NCALD: variants seen among roughly 807,000 people sequenced by gnomAD.
NCALD encodes neurocalcin delta, also known as neurocalcin-delta.
In NCALD, 10 loss-of-function variants were observed where a neutral mutation model predicts 18.6. The ratio of observed to expected loss-of-function variants is 0.54; its 90% CI spans 0.33 to 0.91. The LOEUF is 0.91. NCALD is among the 40% of genes least tolerant of loss of function. The pLI, the probability that NCALD is intolerant of heterozygous loss-of-function variation, is 0.03. For synonymous variants in NCALD, 88 were observed against 87.4 expected (o/e 1.01, Z -0.04); for missense variants, 184 against 247.6 (o/e 0.74, Z 1.72).
At chr8:101,967,492 G>A (rs902274281) in intron 2 of NCALD, among the ~76,000 whole-genome samples, 4 of 152,162 alleles carry the variant, frequency 2.6e-5, no homozygotes, top group Admixed American at 6.5e-5. Context: ...TTCAATCCAA[G>A]TAGTCAGATG....
At chr8:101,796,733 A>G (rs747832178) in intron 4 of NCALD, among the ~76,000 whole-genome samples, 2 of 152,260 alleles carry the variant, frequency 1.3e-5, no homozygotes, top group Non-Finnish European at 2.9e-5. Context: ...AGGAGCATAA[A>G]GAATAAGCAA....
chr8:101,832,786 C>T (rs977388175), intron 4 of NCALD, among the ~76,000 whole-genome samples: 5 of 152,254 alleles, frequency 3.3e-5, no homozygotes, highest in East Asian at 1.9e-4. Flanking sequence ...GTGGAGTGGA[C>T]GACTGCCGTC....
chr8:102,052,254 T>C (rs1320086320), intron 1 of NCALD, among the ~76,000 whole-genome samples: 3 of 152,224 alleles, frequency 2.0e-5, no homozygotes, highest in African/African-American at 4.8e-5. Context: ...CAGATCAATT[T>C]TGATGACACA....
intron 4 of NCALD, among the ~76,000 whole-genome samples, chr8:101,842,525 G>T (rs1242104212): frequency 6.6e-6 from 1 of 152,206 alleles, no homozygotes; most frequent in Non-Finnish European, 1.5e-5. Flanking sequence ...GTCATTAAAA[G>T]CCAGTCTCTG....
At chr8:101,719,671 A>G in intron 1 of NCALD, 23 bp from the exon 2 acceptor site, 1 of 1,526,408 alleles carries the variant, frequency 6.6e-7, no homozygotes, top group Non-Finnish European at 8.7e-7. Flanking sequence ...AAGAAAACAT[A>G]TATAATTTGT....
In NCALD at chr8:101,731,063, T is replaced by C. The variant is rs1473880868; in HGVS notation, c.-19-11415A>G. On this transcript the variant is annotated intron_variant, in intron 1 of 3. Transcript: ENST00000220931. ...GGAAGACCCCACTGAGAAAGCAACA[T>C]TGGAAAAAGACCAGAGGAAGTGAGG... is the stretch of plus-strand genomic sequence containing the variant. Among the ~76,000 whole-genome samples, 9 of 151,932 alleles carry C rather than the reference T, an allele frequency of 5.9e-5. No individual in the cohort carries two copies. The East Asian group carries it at 9.6e-4, about 16-fold the overall frequency.
At chr8:102,030,606 G>A (rs1822631645) in intron 1 of NCALD, among the ~76,000 whole-genome samples, 1 of 152,198 alleles carries the variant, frequency 6.6e-6, no homozygotes, top group Admixed American at 6.5e-5. Context: ...AAGGGGCTGG[G>A]CACAGTGGCT....
intron 2 of NCALD, among the ~76,000 whole-genome samples, chr8:101,961,400 T>G (rs1016636097): frequency 6.6e-6 from 1 of 152,292 alleles, no homozygotes; most frequent in East Asian, 1.9e-4. Context: ...CAATGTAAAT[T>G]TGAGTATTTC....
intron 2 of NCALD, among the ~76,000 whole-genome samples, chr8:101,980,440 G>A (rs1820576853): frequency 6.6e-6 from 1 of 152,196 alleles, no homozygotes; most frequent in African/African-American, 2.4e-5. Context: ...GTTTTTAAAA[G>A]GGCTAGGATC....
intron 4 of NCALD, among the ~76,000 whole-genome samples, chr8:101,811,558 A>C (rs1813305233): frequency 6.6e-6 from 1 of 152,258 alleles, no homozygotes; most frequent in African/African-American, 2.4e-5. Flanking sequence ...AAATTAATAC[A>C]GGCAACAAAT....
At chr8:101,785,252 A>G in intron 1 of NCALD, among the ~76,000 whole-genome samples, 1 of 152,186 alleles carries the variant, frequency 6.6e-6, no homozygotes, top group Non-Finnish European at 1.5e-5. Context: ...TCCAATTCTG[A>G]CGGATTCTTC....
chr8:101,887,860 T>C (rs1393488550), intron 3 of NCALD, among the ~76,000 whole-genome samples: 3 of 152,174 alleles, frequency 2.0e-5, no homozygotes, highest in Non-Finnish European at 4.4e-5. Context: ...AAGACTGGTT[T>C]TGGGAAACCA....
chr8:101,771,148 T>G (rs1811570392), intron 1 of NCALD, among the ~76,000 whole-genome samples: 1 of 152,170 alleles, frequency 6.6e-6, no homozygotes, highest in South Asian at 2.1e-4. Context: ...TGCAGTTGGA[T>G]GAAACCCACA....
intron 1 of NCALD, among the ~76,000 whole-genome samples, chr8:101,744,147 A>G (rs1254869352): frequency 6.6e-6 from 1 of 152,074 alleles, no homozygotes; most frequent in Non-Finnish European, 1.5e-5. Flanking sequence ...CTCAGCTCCT[A>G]CCATCTTTGG....
chr8:101,821,453 C>T (rs1586577088), intron 4 of NCALD, among the ~76,000 whole-genome samples: 1 of 152,174 alleles, frequency 6.6e-6, no homozygotes, highest in African/African-American at 2.4e-5. Context: ...CAAGGTCACA[C>T]AGCTAGTAAG....
At chr8:102,082,226 CTTTT>C (rs757875219) in intron 1 of NCALD, among the ~76,000 whole-genome samples, 5 of 71,830 alleles carry the variant, frequency 7.0e-5, no homozygotes, top group Non-Finnish European at 9.5e-5. Context: ...GAAGCTCTCT[CTTTT>C]TTTTTTTTTT....
chr8:101,735,759 A>G (rs991331511), intron 1 of NCALD, among the ~76,000 whole-genome samples: 10 of 152,204 alleles, frequency 6.6e-5, no homozygotes, highest in African/African-American at 2.4e-4. Flanking sequence ...CCATGTGTTT[A>G]TATTTCCACA....
intron 4 of NCALD, among the ~76,000 whole-genome samples, chr8:101,823,094 CT>C (rs61646514): frequency 0.041 from 6,303 of 152,238 alleles, 322 homozygotes; most frequent in East Asian, 0.12. Flanking sequence ...TCCTCTAATA[CT>C]TTGCATTTAT....
intron 4 of NCALD, among the ~76,000 whole-genome samples, chr8:101,814,093 G>A (rs892842419): frequency 2.0e-5 from 3 of 151,982 alleles, no homozygotes; most frequent in African/African-American, 7.2e-5. Flanking sequence ...TAAGGAAGAA[G>A]TTATACCAAT....
Sources: allele counts gnomAD v4.1 joint callset (sites outside exome capture counted in the v4.1 genomes callset), GRCh38; gene constraint gnomAD v4.1.1; transcripts MANE v1.5; gene names NCBI Gene and HGNC (gene_info 2026-07-23, HGNC 2026-07-21).